HMCN1: variants seen among roughly 807,000 people sequenced by gnomAD.
HMCN1 encodes the protein hemicentin-1.
In HMCN1, 321 loss-of-function variants were observed where a neutral mutation model predicts 625.9. That is an observed-to-expected ratio of 0.51 (90% CI 0.47 to 0.56). HMCN1 has a LOEUF of 0.56. HMCN1 is among the 20% of genes least tolerant of loss of function. HMCN1 has a pLI of 0.00. For synonymous variants in HMCN1, 2,425 were observed against 2,417.6 expected (o/e 1.00, Z -0.09); for missense variants, 6,588 against 6,887.3 (o/e 0.96, Z 1.54).
chr1:185,970,542 A>G (rs745908764), intron 15 of HMCN1, 49 bp downstream of exon 15: 5 of 1,475,748 alleles, frequency 3.4e-6, no homozygotes, highest in Non-Finnish European at 4.7e-6. Flanking sequence ...TTGATATGTT[A>G]TTTTTCATGT....
At chr1:186,089,337 G>A (rs1229502237) in intron 63 of HMCN1, among the ~76,000 whole-genome samples, 2 of 151,974 alleles carry the variant, frequency 1.3e-5, no homozygotes, top group Admixed American at 6.6e-5. Flanking sequence ...AAACTGAAAT[G>A]AAAGTCTAAC....
intron 1 of HMCN1, among the ~76,000 whole-genome samples, chr1:185,840,049 T>C (rs1219662299): frequency 2.0e-5 from 3 of 152,178 alleles, no homozygotes; most frequent in Non-Finnish European, 4.4e-5. Context: ...TGTACTCAAC[T>C]AAATGAGTCC....
chr1:185,991,022 G>C (rs1652391618), intron 22 of HMCN1, among the ~76,000 whole-genome samples: 1 of 152,014 alleles, frequency 6.6e-6, no homozygotes, highest in African/African-American at 2.4e-5. Context: ...ATTTTTAAGG[G>C]GTCTCTCTGA....
chr1:185,784,460 C>T (rs755225306), intron 1 of HMCN1, among the ~76,000 whole-genome samples: 2 of 152,140 alleles, frequency 1.3e-5, no homozygotes, highest in East Asian at 1.9e-4. Context: ...TGGGAGCTGT[C>T]GACTGGAGCT....
chr1:185,922,541 C>A (rs1360500094), intron 7 of HMCN1, 42 bp downstream of exon 7: 5 of 1,526,368 alleles, frequency 3.3e-6, no homozygotes, highest in East Asian at 2.4e-5. Flanking sequence ...AATAGATATC[C>A]AAATGAAAAA....
intron 4 of HMCN1, among the ~76,000 whole-genome samples, chr1:185,869,592 AT>A (rs932599025): frequency 5.3e-5 from 8 of 152,184 alleles, no homozygotes; most frequent in African/African-American, 9.7e-5. Flanking sequence ...TGAAAAAAAA[AT>A]ATTGTGAAGC....
At chr1:185,839,165 T>A (rs1184366046) in intron 1 of HMCN1, among the ~76,000 whole-genome samples, 1 of 152,194 alleles carries the variant, frequency 6.6e-6, no homozygotes, top group Admixed American at 6.5e-5. Flanking sequence ...CTCTTCTTCA[T>A]CAACATTTTA....
chr1:186,123,133 G>A lies in HMCN1; in HGVS notation c.12412G>A (p.Val4138Ile). ...LSSGSLQIAF[V>I]QPGDAGHYTC... is the part of the protein sequence containing the mutation. ...CTCTGGCTCTCTGCAAATAGCATTTGTCCAGCCTGGTGATGCTGGCCATTA... is the reference window on the plus strand; with the variant it reads ...CTCTGGCTCTCTGCAAATAGCATTTATCCAGCCTGGTGATGCTGGCCATTA... The change falls in exon 81 of 107, where the codon GTC becomes ATC. Residue 4138 changes from valine (V) to isoleucine (I), a missense_variant. Around this residue, in one of 3 missense-constraint regions of HMCN1, gnomAD observed 1,954 missense variants for 2,013.1 expected, o/e 0.97. Coordinates refer to ENST00000271588, the MANE Select transcript of HMCN1 (RefSeq NM_031935.3). 3 of 1,614,050 alleles carry A rather than the reference G, an allele frequency of 1.9e-6. No homozygotes were observed. Among genetic ancestry groups the A allele is most frequent in the Non-Finnish European group, 2.5e-6 (3 of 1,179,978 alleles).
In HMCN1 at chr1:186,019,593, C is replaced by A; in HGVS notation, c.5523C>A (p.Tyr1841Ter). 6.2e-7 allele frequency: 1 copy of A among 1,610,506 alleles called. No individual in the cohort carries two copies. The highest frequency in any genetic ancestry group is 8.5e-7 in the Non-Finnish European group (1 of 1,177,046). The change falls in exon 35 of 107, where the codon TAC becomes TAA. Residue 1841 changes from tyrosine (Y) to a stop codon, truncating the protein, a stop_gained. Transcript: ENST00000271588. LOFTEE classifies it high-confidence loss of function. ...TTTCTGAGAGAGTTGTGGTAAAATACAAGCCTGTCGCCTTGCAGTGCATAG... is the reference window on the plus strand; with the variant it reads ...TTTCTGAGAGAGTTGTGGTAAAATAAAAGCCTGTCGCCTTGCAGTGCATAG... ...SGLSERVVVK[Y>*]KPVALQCIAN... is the part of the protein sequence containing the mutation.
At chr1:185,898,949 C>A (rs1453386019) in intron 4 of HMCN1, among the ~76,000 whole-genome samples, 2 of 151,248 alleles carry the variant, frequency 1.3e-5, no homozygotes, top group Non-Finnish European at 2.9e-5. Context: ...GGGTTGCAAT[C>A]AATGTGTGAT....
intron 68 of HMCN1, among the ~76,000 whole-genome samples, chr1:186,102,326 G>GTC (rs1326393446): frequency 6.6e-6 from 1 of 152,112 alleles, no homozygotes; most frequent in Non-Finnish European, 1.5e-5. Flanking sequence ...AACTGACTTA[G>GTC]TATATTATCT....
intron 1 of HMCN1, among the ~76,000 whole-genome samples, chr1:185,763,004 A>G (rs1402867603): frequency 1.3e-5 from 2 of 152,110 alleles, no homozygotes; most frequent in Non-Finnish European, 2.9e-5. Context: ...AAGGTTAAGG[A>G]ACAGGGTTAG....
rs1571808868 is a variant in HMCN1, at chr1:186,065,926, CT to C, written c.7705+498del. ...GCTCACTTTTTGAAATTTCTACCCC[CT>C]AAATTTATTGTATTAGATTCCTAAT... On this transcript the variant is annotated intron_variant, in intron 49 of 106. Transcript: ENST00000271588. Among the ~76,000 whole-genome samples, 5 of 152,286 alleles carry C rather than the reference CT, an allele frequency of 3.3e-5. No homozygotes were observed. In the East Asian group the frequency reaches 9.6e-4, roughly 29 times the overall value.
intron 4 of HMCN1, among the ~76,000 whole-genome samples, chr1:185,890,417 G>A (rs1452300757): frequency 3.4e-5 from 5 of 146,196 alleles, no homozygotes; most frequent in African/African-American, 1.1e-4. Flanking sequence ...TGTCAATTTT[G>A]GATCTTTCCT....
chr1:186,016,223 T>C lies in HMCN1; in HGVS notation c.5175T>C (p.Tyr1725=). 1 of 1,612,938 alleles carries C rather than the reference T, an allele frequency of 6.2e-7. No homozygotes were observed. Among genetic ancestry groups the C allele is most frequent in the Non-Finnish European group, 8.5e-7 (1 of 1,179,164 alleles). The part of the protein sequence containing the change: ...TSVAGEKEIK[Y]EVDVLVPPAI... ...TGGCAGGAGAAAAGGAAATCAAATA[T>C]GAAGTTGATGTCTTGGGTAAATAAG... Residue 1725 remains tyrosine (Y), a synonymous_variant, in exon 32 of 107, where the codon TAT becomes TAC. Transcript: ENST00000271588.
chr1:185,878,864 C>A (rs1664117210), intron 4 of HMCN1, among the ~76,000 whole-genome samples: 1 of 152,166 alleles, frequency 6.6e-6, no homozygotes, highest in South Asian at 2.1e-4. Context: ...GTCTTCAGCC[C>A]TGACTGCTTC....
chr1:185,961,297 A>T (rs1318564990), intron 11 of HMCN1, among the ~76,000 whole-genome samples: 2 of 152,200 alleles, frequency 1.3e-5, no homozygotes, highest in Non-Finnish European at 2.9e-5. Flanking sequence ...ACTAACTTAC[A>T]GGAAAGATAT....
chr1:186,101,495 A>C (rs1490708131), intron 68 of HMCN1, among the ~76,000 whole-genome samples: 1 of 152,150 alleles, frequency 6.6e-6, no homozygotes, highest in East Asian at 1.9e-4. Flanking sequence ...GCATTTATGA[A>C]TCTGGAGCTC....
At chr1:185,922,306 A>T in intron 6 of HMCN1, 73 bp from the exon 7 acceptor site, 2 of 1,560,818 alleles carry the variant, frequency 1.3e-6, no homozygotes, top group Non-Finnish European at 1.8e-6. Flanking sequence ...GCAGTTTCCC[A>T]TACTGGCGAG....
Sources: allele counts gnomAD v4.1 joint callset (sites outside exome capture counted in the v4.1 genomes callset), GRCh38; gene constraint gnomAD v4.1.1; regional missense constraint gnomAD v4.1.1; transcripts MANE v1.5; gene names NCBI Gene and HGNC (gene_info 2026-07-23, HGNC 2026-07-21).